Variants in PKIB observed in about 807,000 individuals in gnomAD.
The protein encoded by PKIB is PKI-beta.
A neutral mutation model predicts 4.5 loss-of-function variants in PKIB; 2 were observed. That is an observed-to-expected ratio of 0.44 (90% CI 0.18 to 1.39). PKIB has a LOEUF of 1.39. Ranked by LOEUF, PKIB falls within the 40% of genes most tolerant of loss-of-function variation. The pLI, the probability that PKIB is intolerant of heterozygous loss-of-function variation, is 0.27. For missense variants in PKIB, 94 were observed against 92.6 expected (o/e 1.02, Z -0.06); for synonymous variants, 38 against 36.0 (o/e 1.06, Z -0.20).
At chr6:122,516,520 C>T (rs917829516) in intron 2 of PKIB, among the ~76,000 whole-genome samples, 1 of 152,158 alleles carries the variant, frequency 6.6e-6, no homozygotes, top group Non-Finnish European at 1.5e-5. Context: ...AATATGTTCT[C>T]CTTGTCCTTG....
chr6:122,534,656 A>C (rs1777353101), intron 2 of PKIB, among the ~76,000 whole-genome samples: 1 of 152,026 alleles, frequency 6.6e-6, no homozygotes, highest in African/African-American at 2.4e-5. Context: ...TTCATTGGAA[A>C]AATATATAAT....
At chr6:122,480,901 A>T (rs1775593028) in intron 2 of PKIB, 1 of 139,938 alleles carries the variant, frequency 7.1e-6, no homozygotes, top group Non-Finnish European at 1.5e-5. Flanking sequence ...CATACCACAA[A>T]ATCAGAGATA....
chr6:122,488,025 A>T (rs1582652237), intron 2 of PKIB, among the ~76,000 whole-genome samples: 1 of 152,126 alleles, frequency 6.6e-6, no homozygotes. Flanking sequence ...TTGGAGGGAT[A>T]TGTTTTTAGA....
chr6:122,657,338 G>C (rs977964102), intron 2 of PKIB, among the ~76,000 whole-genome samples: 16 of 152,098 alleles, frequency 1.1e-4, no homozygotes, highest in African/African-American at 3.6e-4. Context: ...CAAAATGCTT[G>C]GAAATGTGCA....
At chr6:122,703,941 T>G (rs9490526) in intron 3 of PKIB, among the ~76,000 whole-genome samples, 11,241 of 90,568 alleles carry the variant, frequency 0.12, 524 homozygotes, top group Non-Finnish European at 0.14. Context: ...TATATATATA[T>G]AGAGAGAGAG....
intron 2 of PKIB, among the ~76,000 whole-genome samples, chr6:122,555,403 T>C (rs1772808384): frequency 1.3e-5 from 2 of 152,118 alleles, no homozygotes; most frequent in South Asian, 4.1e-4. Flanking sequence ...TTGGAAGTAA[T>C]ATTTGAAGGA....
At position 122,651,047 on chromosome 6, in the gene PKIB, A is replaced by G. The variant is rs530473830; in HGVS notation, c.-76+17680A>G. ...AATAAATTCATCCTAATTCAACTTTATGGGAATTTTACTATGGTGGAAGGC... is the reference window on the plus strand; with the variant it reads ...AATAAATTCATCCTAATTCAACTTTGTGGGAATTTTACTATGGTGGAAGGC... On this transcript the variant is annotated intron_variant, in intron 2 of 4. Coordinates refer to ENST00000368452, the MANE Select transcript of PKIB (RefSeq NM_181795.3). Among the ~76,000 whole-genome samples the G allele has an allele frequency of 7.9e-5, 12 of 152,248 alleles. No individual in the cohort carries two copies. The South Asian group carries it at 2.5e-3, about 32-fold the overall frequency.
chr6:122,701,157 G>A, intron 3 of PKIB: 1 of 294,918 alleles, frequency 3.4e-6, no homozygotes, highest in Admixed American at 4.6e-5. Context: ...CAGCAGAGGA[G>A]ACCAGAAAGG....
chr6:122,564,520 CT>C (rs1339163968), intron 2 of PKIB, among the ~76,000 whole-genome samples: 1 of 151,884 alleles, frequency 6.6e-6, no homozygotes, highest in Non-Finnish European at 1.5e-5. Flanking sequence ...GTTTAACCAC[CT>C]ACAATATAAC....
intron 3 of PKIB, among the ~76,000 whole-genome samples, chr6:122,686,995 C>G (rs893328194): frequency 1.3e-5 from 2 of 152,164 alleles, no homozygotes; most frequent in African/African-American, 2.4e-5. Flanking sequence ...TCCATTTTTG[C>G]TTTGGGTGCC....
intron 2 of PKIB, among the ~76,000 whole-genome samples, chr6:122,508,070 T>C (rs1021775116): frequency 6.6e-5 from 10 of 152,180 alleles, no homozygotes; most frequent in Admixed American, 2.6e-4. Context: ...AGGGAATGCT[T>C]GTGTTGTGTT....
chr6:122,537,836 C>T (rs1168918108), intron 2 of PKIB, among the ~76,000 whole-genome samples: 1 of 151,870 alleles, frequency 6.6e-6, no homozygotes, highest in African/African-American at 2.4e-5. Context: ...CTCTCCAGCA[C>T]CTGTTGTTTC....
chr6:122,477,316 ATTTTTCTTTGTATAAGTTAT>A (rs1207377571), intron 1 of PKIB, among the ~76,000 whole-genome samples: 1 of 152,094 alleles, frequency 6.6e-6, no homozygotes, highest in African/African-American at 2.4e-5. Context: ...AAGCAATCAT[ATTTTTCTTTGTATAAGTTAT>A]TTAGATATTT....
chr6:122,689,348 CATT>C (rs771983979), intron 3 of PKIB, among the ~76,000 whole-genome samples: 5 of 152,088 alleles, frequency 3.3e-5, no homozygotes, highest in African/African-American at 9.7e-5. Context: ...TAATATGCAT[CATT>C]GAGTTGATCA....
chr6:122,564,403 A>C (rs1773122370), intron 2 of PKIB, among the ~76,000 whole-genome samples: 2 of 152,140 alleles, frequency 1.3e-5, no homozygotes, highest in African/African-American at 4.8e-5. Flanking sequence ...TACAAAGCAC[A>C]CACATTTACT....
intron 2 of PKIB, among the ~76,000 whole-genome samples, chr6:122,519,530 T>C (rs1776870835): frequency 6.6e-6 from 1 of 152,106 alleles, no homozygotes; most frequent in Non-Finnish European, 1.5e-5. Context: ...GACCACTGTT[T>C]TAGGTTATAC....
In PKIB at chr6:122,725,974, T is replaced by A. The variant is rs758219203; in HGVS notation, c.*779T>A. On this transcript the variant is annotated 3_prime_UTR_variant, in exon 5 of 5. Transcript: ENST00000368452. ...GTTGTTTTACACTCTCTTTTCTTAT[T>A]CTTAGGGCTTTTGTGTATGTCTGAC... The A allele has an allele frequency of 1.3e-5, 2 of 152,192 alleles. No individual in the cohort carries two copies. Among genetic ancestry groups the A allele is most frequent in the African/African-American group, 2.4e-5 (1 of 41,462 alleles). The allele number at this position is 152,192 out of a possible 1,614,324, so 9.4% of individuals were successfully genotyped here.
At chr6:122,584,795 G>A (rs1212315433) in intron 2 of PKIB, among the ~76,000 whole-genome samples, 1 of 152,012 alleles carries the variant, frequency 6.6e-6, no homozygotes, top group African/African-American at 2.4e-5. Flanking sequence ...TATTCACAAA[G>A]TGTTACTGAG....
chr6:122,621,446 G>T lies in PKIB; in HGVS notation c.-161+10911G>T, dbSNP rs115350932. Among the ~76,000 whole-genome samples the T allele has an allele frequency of 3.5e-3, 540 of 152,300 alleles. 4 individuals are homozygous for T. The highest frequency in any genetic ancestry group is 0.012 in the African/African-American group (516 of 41,558). ...AGGTAAATAACTGCAAACACGATGT[G>T]ATGAAAGCCACCATAGGAGTATGAA... On this transcript the variant is annotated intron_variant, in intron 1 of 4. Transcript: ENST00000368452.
Sources: allele counts gnomAD v4.1 joint callset (sites outside exome capture counted in the v4.1 genomes callset), GRCh38; gene constraint gnomAD v4.1.1; transcripts MANE v1.5; gene names NCBI Gene and HGNC (gene_info 2026-07-23, HGNC 2026-07-21).